SPPL2A: variants seen among roughly 807,000 people sequenced by gnomAD.
SPPL2A encodes signal peptide peptidase like 2A.
A neutral mutation model predicts 63.8 loss-of-function variants in SPPL2A; 51 were observed. The ratio of observed to expected loss-of-function variants is 0.80; its 90% CI spans 0.64 to 1.01. The LOEUF (loss-of-function observed/expected upper bound fraction) is 1.01, where lower values mean the gene tolerates loss of function less well. Among genes scored for constraint, SPPL2A ranks in the 50% least tolerant of loss-of-function variants. The probability of loss-of-function intolerance (pLI) is 0.00; values close to 1 mark genes in which losing one functional copy is unlikely to be tolerated. For synonymous variants in SPPL2A, 188 were observed against 205.8 expected (o/e 0.91, Z 0.74); for missense variants, 553 against 622.7 (o/e 0.89, Z 1.19).
At chr15:50,709,294 A>G (rs1784833030) in intron 14 of SPPL2A, among the ~76,000 whole-genome samples, 1 of 152,204 alleles carries the variant, frequency 6.6e-6, no homozygotes, top group Admixed American at 6.6e-5. Context: ...TTCCTTCATC[A>G]AGAATTAGAA....
At chr15:50,745,023 T>C (rs1461762260) in intron 5 of SPPL2A, among the ~76,000 whole-genome samples, 1 of 152,234 alleles carries the variant, frequency 6.6e-6, no homozygotes, top group African/African-American at 2.4e-5. Context: ...ATATACAGAT[T>C]CAGCTGGATT....
Position 50,748,204 on chromosome 15 carries a change from T to A in SPPL2A, c.361-2A>T. 1 of 1,368,320 alleles carries A rather than the reference T, an allele frequency of 7.3e-7. No homozygotes were observed. 84.8% of individuals were successfully genotyped at this position (1,368,320 alleles called of 1,614,324 possible). On this transcript the variant is annotated splice_acceptor_variant, in intron 3 of 14. Coordinates refer to ENST00000261854, the MANE Select transcript of SPPL2A (RefSeq NM_032802.4). LOFTEE classifies it high-confidence loss of function. Reference sequence around the variant, plus strand: ...AGATCTGTTACCTGAGGGAGGAAACTAAAAAAGAAAAAATTATGAAAACTT... The same window carrying A: ...AGATCTGTTACCTGAGGGAGGAAACAAAAAAAGAAAAAATTATGAAAACTT...
intron 10 of SPPL2A, 33 bp from the exon 11 acceptor site, chr15:50,726,410 CA>C: frequency 1.3e-6 from 2 of 1,592,176 alleles, no homozygotes; most frequent in Non-Finnish European, 1.7e-6. Flanking sequence ...GTTGTCTAAT[CA>C]TTTAAAGAGA....
At chr15:50,751,987 C>A (rs1489401228) in intron 1 of SPPL2A, among the ~76,000 whole-genome samples, 1 of 151,984 alleles carries the variant, frequency 6.6e-6, no homozygotes. Context: ...CCTGCCACCA[C>A]GCACAGCTAA....
intron 9 of SPPL2A, 88 bp downstream of exon 9, chr15:50,732,515 G>C: frequency 1.4e-6 from 1 of 730,512 alleles, no homozygotes; most frequent in South Asian, 1.9e-5. Flanking sequence ...CCAAAAATTG[G>C]CGCATTTAAT....
rs531505425 is a variant in SPPL2A, at chr15:50,726,111, C to T, written c.1146+210G>A. 24 of 1,511,466 alleles carry T rather than the reference C, an allele frequency of 1.6e-5. No homozygotes were observed. In the South Asian group the frequency reaches 2.9e-4, roughly 18 times the overall value. The allele number at this position is 1,511,466 out of a possible 1,614,324, so 93.6% of individuals were successfully genotyped here. On this transcript the variant is annotated intron_variant, in intron 11 of 14. Coordinates refer to ENST00000261854, the MANE Select transcript of SPPL2A (RefSeq NM_032802.4). ...GCTGAGGGTTGACCAGTGGCTTCCACCAAGTTTCCATCATTCTAGGATGAA... is the reference window on the plus strand; with the variant it reads ...GCTGAGGGTTGACCAGTGGCTTCCATCAAGTTTCCATCATTCTAGGATGAA...
chr15:50,735,544 T>TACAC (rs59560616), intron 8 of SPPL2A, among the ~76,000 whole-genome samples: 31 of 149,604 alleles, frequency 2.1e-4, no homozygotes, highest in African/African-American at 4.7e-4. Context: ...CATATATACA[T>TACAC]ACACACACAC....
intron 5 of SPPL2A, among the ~76,000 whole-genome samples, chr15:50,742,385 C>T (rs1271688852): frequency 4.7e-5 from 7 of 147,654 alleles, no homozygotes; most frequent in Non-Finnish European, 8.8e-5. Context: ...AGCAAAACCT[C>T]GACTCCAAAA....
intron 2 of SPPL2A, 99 bp from the exon 3 acceptor site, chr15:50,748,969 G>A: frequency 1.5e-6 from 1 of 646,704 alleles, no homozygotes; most frequent in Non-Finnish European, 2.5e-6. Flanking sequence ...ATTGGTTTAA[G>A]ACAATATCTT....
chr15:50,726,820 T>G (rs1025004780), intron 10 of SPPL2A, among the ~76,000 whole-genome samples: 1 of 152,318 alleles, frequency 6.6e-6, no homozygotes, highest in Non-Finnish European at 1.5e-5. Context: ...GTAAAAAATA[T>G]TGGTAACTTT....
At chr15:50,762,463 G>C (rs1375386495) in intron 1 of SPPL2A, among the ~76,000 whole-genome samples, 1 of 151,672 alleles carries the variant, frequency 6.6e-6, no homozygotes, top group Non-Finnish European at 1.5e-5. Flanking sequence ...TTAATTTCTA[G>C]ACCTAATGGG....
intron 2 of SPPL2A, 115 bp downstream of exon 2, chr15:50,749,521 C>T (rs1284642533): frequency 6.6e-5 from 46 of 701,502 alleles, no homozygotes; most frequent in Non-Finnish European, 9.3e-5. Context: ...CTCCTGACCT[C>T]ATGATCCGCC....
At chr15:50,715,543 A>G (rs2062593524) in intron 14 of SPPL2A, among the ~76,000 whole-genome samples, 1 of 151,914 alleles carries the variant, frequency 6.6e-6, no homozygotes, top group East Asian at 1.9e-4. Context: ...AGTATGAGTT[A>G]GCACAAAAAG....
chr15:50,721,401 C>T (rs1007006772), intron 13 of SPPL2A, among the ~76,000 whole-genome samples: 2 of 151,032 alleles, frequency 1.3e-5, no homozygotes, highest in Non-Finnish European at 3.0e-5. Flanking sequence ...TTCATCTTCT[C>T]CCTCACTTAG....
At chr15:50,741,711 G>A (rs1358984812) in intron 5 of SPPL2A, among the ~76,000 whole-genome samples, 1 of 152,006 alleles carries the variant, frequency 6.6e-6, no homozygotes, top group Non-Finnish European at 1.5e-5. Context: ...TCACACTTGT[G>A]ATCCCAGAAC....
At chr15:50,739,342 C>T (rs1327845121) in intron 6 of SPPL2A, among the ~76,000 whole-genome samples, 3 of 151,922 alleles carry the variant, frequency 2.0e-5, no homozygotes, top group Non-Finnish European at 4.4e-5. Flanking sequence ...CCACACCCAG[C>T]TAATTTCTGT....
chr15:50,722,165 T>C lies in SPPL2A; in HGVS notation c.1286A>G (p.Gln429Arg), dbSNP rs769348792. ...LIAYCRRFDVQTGSSYIYYVS... is the reference protein window; with the variant it reads ...LIAYCRRFDVRTGSSYIYYVS... ...ATAGTATATGTAAGAAGAACCAGTCTGAACATCAAATCTTCTACAGTATGC... is the reference window on the plus strand; with the variant it reads ...ATAGTATATGTAAGAAGAACCAGTCCGAACATCAAATCTTCTACAGTATGC... The change falls in exon 13 of 15, where the codon CAG becomes CGG. Residue 429 changes from glutamine to arginine, a missense_variant. Physicochemically the swap from Gln to Arg is conservative, Grantham distance 43. Coordinates refer to ENST00000261854, the MANE Select transcript of SPPL2A (RefSeq NM_032802.4). 2 of 1,602,526 alleles carry C rather than the reference T, an allele frequency of 1.2e-6. No homozygotes were observed. Among genetic ancestry groups the C allele is most frequent in the Non-Finnish European group, 1.7e-6 (2 of 1,172,758 alleles).
At chr15:50,720,947 C>T (rs547220391) in intron 13 of SPPL2A, among the ~76,000 whole-genome samples, 3 of 152,204 alleles carry the variant, frequency 2.0e-5, no homozygotes, top group African/African-American at 7.2e-5. Flanking sequence ...TTTAAGTTGT[C>T]CAAAGGTACA....
At position 50,710,330 on chromosome 15, in the gene SPPL2A, T is replaced by C. The variant is rs113570839; in HGVS notation, c.1489-2456A>G. On this transcript the variant is annotated intron_variant, in intron 14 of 14. Transcript: ENST00000261854. ...TGCCTCTTCTTTCCTAATCCCCAGGTACCTCACTGGCACTATATAATCTAA... is the reference window on the plus strand; with the variant it reads ...TGCCTCTTCTTTCCTAATCCCCAGGCACCTCACTGGCACTATATAATCTAA... Among the ~76,000 whole-genome samples the C allele has an allele frequency of 8.8e-3, 1,345 of 152,248 alleles. 28 individuals carry two copies. The highest frequency in any genetic ancestry group is 0.029 in the African/African-American group (1,218 of 41,540).
Sources: allele counts gnomAD v4.1 joint callset (sites outside exome capture counted in the v4.1 genomes callset), GRCh38; gene constraint gnomAD v4.1.1; transcripts MANE v1.5; gene names NCBI Gene and HGNC (gene_info 2026-07-23, HGNC 2026-07-21).